Variants in NBAS observed in about 807,000 individuals in gnomAD.
NBAS encodes the protein NBAS subunit of NRZ tethering complex.
Under a neutral mutation model 302.5 loss-of-function variants are expected in NBAS, and 219 were observed. The observed-to-expected ratio is 0.72, with a 90% CI of 0.65 to 0.81. The LOEUF (loss-of-function observed/expected upper bound fraction) is 0.81. Among genes scored for constraint, NBAS ranks in the 30% least tolerant of loss-of-function variants. The pLI, the probability that NBAS is intolerant of heterozygous loss-of-function variation, is 0.00. For missense variants in NBAS, 2,932 were observed against 2,841.6 expected, an observed-to-expected ratio of 1.03 and a Z score of -0.72; for synonymous variants, 1,118 against 1,021.6, an observed-to-expected ratio of 1.09 and a Z score of -1.80.
At chr2:14,885,171 T>C in the NBAS span, among the ~76,000 whole-genome samples, 1 of 152,186 alleles carries the variant, frequency 6.6e-6, no homozygotes, top group African/African-American at 2.4e-5. Flanking sequence ...AGAATGGATT[T>C]GGGGTGATGA....
Position 15,328,275 on chromosome 2 carries a change from G to A in NBAS, c.4385C>T (p.Thr1462Ile), listed in dbSNP as rs771427910. The change falls in exon 37 of 52, where the codon ACA becomes ATA. Residue 1462 changes from threonine (T) to isoleucine (I), a missense_variant. By Grantham distance (89) the Thr-to-Ile change is moderately conservative. Transcript: ENST00000281513. ...KCGGAYQIGT[T>I]ANEDLEKQGC... ...TTGTTTCTCTAGATCTTCATTGGCT[G>A]TAGTTCCGATTTGATATGCACCACC... The A allele has an allele frequency of 1.3e-5, 21 of 1,613,814 alleles. 1 individual carries two copies. Among genetic ancestry groups the A allele is most frequent in the Admixed American group, 5.0e-5 (3 of 59,990 alleles).
chr2:14,961,015 C>A, the NBAS span, among the ~76,000 whole-genome samples: 1 of 152,154 alleles, frequency 6.6e-6, no homozygotes, highest in African/African-American at 2.4e-5. Context: ...AGGCGGCCAT[C>A]AATACCCAAA....
chr2:15,130,469 C>T, the NBAS span, among the ~76,000 whole-genome samples: 2 of 152,188 alleles, frequency 1.3e-5, no homozygotes, highest in Non-Finnish European at 2.9e-5. Context: ...AAGAAGACAG[C>T]ACTGCAGAGC....
At chr2:15,210,887 A>C (rs1240531878) in intron 48 of NBAS, among the ~76,000 whole-genome samples, 1 of 152,180 alleles carries the variant, frequency 6.6e-6, no homozygotes, top group Non-Finnish European at 1.5e-5. Context: ...GACAAACTTC[A>C]CATGTTTTCA....
At chr2:15,471,774 C>G (rs1223857419) in intron 16 of NBAS, among the ~76,000 whole-genome samples, 1 of 152,106 alleles carries the variant, frequency 6.6e-6, no homozygotes, top group African/African-American at 2.4e-5. Context: ...CAGTAGAGAG[C>G]CTTCTTTCTC....
chr2:15,459,503 C>CTTTTTTTTTTTT lies in NBAS; in HGVS notation c.2339+1697_2339+1698insAAAAAAAAAAAA, dbSNP rs66914120. Among the ~76,000 whole-genome samples the CTTTTTTTTTTTT allele has an allele frequency of 1.1e-4, 15 of 141,374 alleles. 1 individual carries two copies. Among genetic ancestry groups the CTTTTTTTTTTTT allele is most frequent in the Admixed American group, 2.9e-4 (4 of 13,856 alleles). 92.7% of individuals were successfully genotyped at this position (141,374 alleles called of 152,430 possible). On this transcript the variant is annotated intron_variant, in intron 21 of 51. Coordinates refer to ENST00000281513, the MANE Select transcript of NBAS (RefSeq NM_015909.4). ...GAAAAAAGCATCCTGAGCATTTTTT[C>CTTTTTTTTTTTT]TTTTTTTTTGAGATGGAGTCTCGTT...
At chr2:15,472,583 C>A (rs1471815331) in intron 16 of NBAS, among the ~76,000 whole-genome samples, 2 of 152,134 alleles carry the variant, frequency 1.3e-5, no homozygotes. Flanking sequence ...TCACTGGCCC[C>A]CCCCAGAAGC....
chr2:15,402,408 C>G, intron 25 of NBAS, 107 bp from the exon 26 acceptor site: 2 of 1,081,280 alleles, frequency 1.8e-6, no homozygotes, highest in African/African-American at 1.6e-5. Flanking sequence ...AATTAATCAA[C>G]TATAGAAACA....
chr2:15,390,461 G>A (rs1206793959), intron 28 of NBAS, among the ~76,000 whole-genome samples: 1 of 152,134 alleles, frequency 6.6e-6, no homozygotes, highest in South Asian at 2.1e-4. Context: ...GACAAATAAG[G>A]AGATGCAGAT....
At chr2:14,966,834 C>A in the NBAS span, among the ~76,000 whole-genome samples, 1 of 152,246 alleles carries the variant, frequency 6.6e-6, no homozygotes, top group Admixed American at 6.5e-5. Flanking sequence ...AGAAGTCATC[C>A]ATATTCAAAT....
At chr2:15,540,019 G>A (rs1663724807) in intron 6 of NBAS, among the ~76,000 whole-genome samples, 1 of 152,028 alleles carries the variant, frequency 6.6e-6, no homozygotes, top group African/African-American at 2.4e-5. Context: ...TGAATTTTCA[G>A]TAAAATAGAG....
chr2:15,072,744 A>G, the NBAS span, among the ~76,000 whole-genome samples: 2 of 152,244 alleles, frequency 1.3e-5, no homozygotes, highest in African/African-American at 4.8e-5. Context: ...GCGAATAAGT[A>G]TATTTTCCCA....
At chr2:15,160,925 T>C in the NBAS span, among the ~76,000 whole-genome samples, 3 of 152,286 alleles carry the variant, frequency 2.0e-5, no homozygotes, top group South Asian at 2.1e-4. Flanking sequence ...AGAGAACTCT[T>C]TTGCCTAACA....
intron 5 of NBAS, among the ~76,000 whole-genome samples, chr2:15,552,355 T>C (rs185794898): frequency 4.5e-4 from 68 of 152,216 alleles, no homozygotes; most frequent in Admixed American, 1.6e-3. Flanking sequence ...GTTTCAACTA[T>C]GCAGGTCCAT....
rs1311827445 is a variant in NBAS, at chr2:15,461,241, T to C, written c.2299A>G (p.Thr767Ala). The change falls in exon 21 of 52, where the codon ACT becomes GCT. Residue 767 changes from threonine to alanine, a missense_variant. Coordinates refer to ENST00000281513, the MANE Select transcript of NBAS (RefSeq NM_015909.4). The stretch of plus-strand genomic sequence containing the variant: ...AAAACAGAATATTCATGTGGAGAAG[T>C]GGTCTCTGGAAAGTTGGACAGAATT... ...LAILSNFPET[T>A]SPHEYSVLLP... 16 of 1,613,742 alleles carry C rather than the reference T, an allele frequency of 9.9e-6. No homozygotes were observed. The highest frequency in any genetic ancestry group is 2.2e-5 in the South Asian group (2 of 91,078).
chr2:15,297,262 T>C (rs1670591382), intron 40 of NBAS, among the ~76,000 whole-genome samples: 1 of 152,206 alleles, frequency 6.6e-6, no homozygotes, highest in African/African-American at 2.4e-5. Flanking sequence ...ACCATCCTTT[T>C]ATATTCGGTA....
chr2:14,982,993 C>T, the NBAS span, among the ~76,000 whole-genome samples: 12 of 152,252 alleles, frequency 7.9e-5, no homozygotes, highest in Admixed American at 3.3e-4. Context: ...GAGTAGGTCA[C>T]GGTGCTACCA....
intron 9 of NBAS, among the ~76,000 whole-genome samples, chr2:15,521,209 C>A (rs1210673007): frequency 6.6e-6 from 1 of 152,262 alleles, no homozygotes; most frequent in Non-Finnish European, 1.5e-5. Flanking sequence ...TTAACAGTAC[C>A]TTCTTCGACC....
the NBAS span, among the ~76,000 whole-genome samples, chr2:15,043,413 A>T: frequency 1.3e-5 from 2 of 152,122 alleles, no homozygotes; most frequent in African/African-American, 2.4e-5. Flanking sequence ...AATTTCTAAC[A>T]GTCAGGTTTG....
Sources: allele counts gnomAD v4.1 joint callset (sites outside exome capture counted in the v4.1 genomes callset), GRCh38; gene constraint gnomAD v4.1.1; transcripts MANE v1.5; gene names NCBI Gene and HGNC (gene_info 2026-07-23, HGNC 2026-07-21).